LARGE1: variants seen among roughly 807,000 people sequenced by gnomAD.
LARGE1 encodes xylosyl- and glucuronyltransferase LARGE1.
LARGE1 carries 43 observed loss-of-function variants against 87.6 expected under a neutral mutation model. The ratio of observed to expected loss-of-function variants is 0.49; its 90% CI spans 0.38 to 0.63. The LOEUF (loss-of-function observed/expected upper bound fraction) is 0.63. LARGE1 is among the 30% of genes least tolerant of loss of function. The probability of loss-of-function intolerance (pLI) is 0.00; values close to 1 mark genes in which losing one functional copy is unlikely to be tolerated. For missense variants in LARGE1, 802 were observed against 1,000.2 expected, an observed-to-expected ratio of 0.80 and a Z score of 2.67; for synonymous variants, 434 against 394.6, an observed-to-expected ratio of 1.10 and a Z score of -1.18.
intron 2 of LARGE1, among the ~76,000 whole-genome samples, chr22:33,739,861 G>A (rs976508196): frequency 6.6e-6 from 1 of 152,174 alleles, no homozygotes; most frequent in South Asian, 2.1e-4. Flanking sequence ...AAGGAGGCGG[G>A]GGATGAGATG....
intron 5 of LARGE1, among the ~76,000 whole-genome samples, chr22:33,585,972 T>G (rs1466111977): frequency 1.3e-5 from 2 of 152,220 alleles, no homozygotes; most frequent in African/African-American, 2.4e-5. Context: ...GTGCTGGGAT[T>G]ACAGGTGTGA....
At chr22:33,506,449 A>T (rs1483487352) in intron 6 of LARGE1, among the ~76,000 whole-genome samples, 1 of 152,142 alleles carries the variant, frequency 6.6e-6, no homozygotes, top group Non-Finnish European at 1.5e-5. Context: ...GGCTGAACCC[A>T]GCATGTACAA....
chr22:33,851,805 C>T (rs193193210), intron 1 of LARGE1, among the ~76,000 whole-genome samples: 8 of 152,274 alleles, frequency 5.3e-5, no homozygotes, highest in East Asian at 3.9e-4. Flanking sequence ...TTTATGATGA[C>T]GTAGCTTCCT....
intron 10 of LARGE1, among the ~76,000 whole-genome samples, chr22:33,335,896 C>G (rs1353081891): frequency 6.6e-6 from 1 of 152,218 alleles, no homozygotes; most frequent in Non-Finnish European, 1.5e-5. Flanking sequence ...TTGCCACTGG[C>G]TGATCATTGT....
At chr22:33,748,223 C>G (rs1298517720) in intron 2 of LARGE1, among the ~76,000 whole-genome samples, 1 of 151,304 alleles carries the variant, frequency 6.6e-6, no homozygotes, top group African/African-American at 2.4e-5. Flanking sequence ...TCTCCACCTC[C>G]CGGGTTCAAG....
At chr22:33,250,568 CAG>C (rs1926968209) in intron 11 of LARGE1, among the ~76,000 whole-genome samples, 2 of 152,176 alleles carry the variant, frequency 1.3e-5, no homozygotes, top group Admixed American at 1.3e-4. Flanking sequence ...AAAAGTAGTA[CAG>C]GAGATATCCT....
the LARGE1 span, among the ~76,000 whole-genome samples, chr22:33,074,562 C>A: frequency 6.6e-6 from 1 of 152,092 alleles, no homozygotes; most frequent in African/African-American, 2.4e-5. Flanking sequence ...GTAGTCCCAG[C>A]TACTCAGGAG....
intron 9 of LARGE1, among the ~76,000 whole-genome samples, chr22:33,348,351 G>GT (rs1423301104): frequency 1.4e-5 from 2 of 147,216 alleles, no homozygotes; most frequent in Non-Finnish European, 3.0e-5. Context: ...CACTGATCTG[G>GT]TAAGACTTAG....
chr22:33,638,775 T>C (rs1368850966), intron 3 of LARGE1, among the ~76,000 whole-genome samples: 1 of 152,234 alleles, frequency 6.6e-6, no homozygotes, highest in Non-Finnish European at 1.5e-5. Context: ...TCTAGCATGA[T>C]GTCTGGTACA....
the LARGE1 span, among the ~76,000 whole-genome samples, chr22:33,119,660 T>A: frequency 6.6e-6 from 1 of 152,176 alleles, no homozygotes; most frequent in African/African-American, 2.4e-5. Flanking sequence ...ATGGAAATAT[T>A]TCATTATTTT....
At chr22:33,211,981 G>A (rs906697258) in intron 11 of LARGE1, among the ~76,000 whole-genome samples, 10 of 152,304 alleles carry the variant, frequency 6.6e-5, no homozygotes, top group Admixed American at 2.0e-4. Flanking sequence ...GCTGCAGAAG[G>A]AAGTTTGAAG....
At chr22:33,621,853 C>G (rs774122450) in intron 4 of LARGE1, among the ~76,000 whole-genome samples, 11 of 152,156 alleles carry the variant, frequency 7.2e-5, no homozygotes, top group Non-Finnish European at 1.6e-4. Flanking sequence ...GGTAAACGCA[C>G]CTGACAGCAA....
At chr22:33,475,423 C>CTT (rs1569196969) in intron 6 of LARGE1, among the ~76,000 whole-genome samples, 145 of 138,846 alleles carry the variant, frequency 1.0e-3, no homozygotes, top group Middle Eastern at 3.7e-3. Flanking sequence ...ATCAGTGAGT[C>CTT]ATATTTATTT....
chr22:33,113,949 C>T, the LARGE1 span, among the ~76,000 whole-genome samples: 58 of 151,668 alleles, frequency 3.8e-4, no homozygotes, highest in African/African-American at 1.4e-3. Flanking sequence ...TGGCTCACTG[C>T]AAGCTCCGCC....
intron 10 of LARGE1, among the ~76,000 whole-genome samples, chr22:33,317,928 A>G (rs1462984444): frequency 6.6e-6 from 1 of 152,036 alleles, no homozygotes; most frequent in Non-Finnish European, 1.5e-5. Context: ...AAATTCAACA[A>G]ACTGTGCACT....
At chr22:33,403,595 C>T (rs1022514858) in intron 7 of LARGE1, among the ~76,000 whole-genome samples, 3 of 152,006 alleles carry the variant, frequency 2.0e-5, no homozygotes, top group South Asian at 2.1e-4. Context: ...TGGACCATAC[C>T]GGCTCATTTC....
At chr22:33,850,454 G>A (rs942442628) in intron 1 of LARGE1, among the ~76,000 whole-genome samples, 6 of 152,094 alleles carry the variant, frequency 3.9e-5, no homozygotes, top group South Asian at 2.1e-4. Flanking sequence ...CTAGGTTTCC[G>A]CCTCCTCATT....
At chr22:33,817,630 G>T (rs930095105) in intron 1 of LARGE1, among the ~76,000 whole-genome samples, 3 of 152,094 alleles carry the variant, frequency 2.0e-5, no homozygotes, top group African/African-American at 7.2e-5. Context: ...CTAGAGCACA[G>T]AGCTGCTCGA....
At chr22:33,594,217 T>C (rs2413195) in intron 5 of LARGE1, among the ~76,000 whole-genome samples, 36,407 of 152,044 alleles carry the variant, frequency 0.24, 5,035 homozygotes, top group African/African-American at 0.39. Context: ...CAATTCCTTT[T>C]GGTGCTTGAC....
Sources: allele counts gnomAD v4.1 joint callset (sites outside exome capture counted in the v4.1 genomes callset), GRCh38; gene constraint gnomAD v4.1.1; transcripts MANE v1.5; gene names NCBI Gene and HGNC (gene_info 2026-07-23, HGNC 2026-07-21).